Variants in ST8SIA4 observed in about 807,000 individuals in gnomAD.
The protein encoded by ST8SIA4 is ST8 alpha-N-acetyl-neuraminide alpha-2,8-sialyltransferase 4.
A neutral mutation model predicts 33.9 loss-of-function variants in ST8SIA4; 15 were observed. The observed-to-expected ratio is 0.44, with a 90% confidence interval of 0.30 to 0.68. The LOEUF is 0.68. ST8SIA4 is among the 30% of genes least tolerant of loss of function. The pLI, the probability that ST8SIA4 is intolerant of heterozygous loss-of-function variation, is 0.10. For missense variants in ST8SIA4, 321 were observed against 428.0 expected, an observed-to-expected ratio of 0.75 and a Z score of 2.21; for synonymous variants, 171 against 151.2, an observed-to-expected ratio of 1.13 and a Z score of -0.96.
chr5:100,885,700 G>C (rs1023573656), intron 3 of ST8SIA4: 3 of 942,872 alleles, frequency 3.2e-6, no homozygotes, highest in Non-Finnish European at 3.8e-6. Context: ...CATTTCTACT[G>C]TTGAGTTTTT....
intron 4 of ST8SIA4, among the ~76,000 whole-genome samples, chr5:100,842,759 G>A (rs1751494619): frequency 1.3e-5 from 2 of 151,648 alleles, no homozygotes; most frequent in Non-Finnish European, 3.0e-5. Context: ...TGCAAGTAAT[G>A]ATTTTACTTT....
chr5:100,846,580 G>C (rs1264885054), intron 4 of ST8SIA4, among the ~76,000 whole-genome samples: 2 of 151,956 alleles, frequency 1.3e-5, no homozygotes, highest in East Asian at 1.9e-4. Context: ...AAAGGAAAAA[G>C]AGTGAGAAAT....
chr5:100,849,494 A>C (rs748533293), intron 4 of ST8SIA4: 1 of 983,030 alleles, frequency 1.0e-6, no homozygotes, highest in Non-Finnish European at 1.2e-6. Context: ...TTTAAGAAAC[A>C]CTGCTGGCTG....
Position 100,811,126 on chromosome 5 carries a change from G to C in ST8SIA4, c.*721C>G, listed in dbSNP as rs1750807820. The C allele has an allele frequency of 6.7e-6, 1 of 148,980 alleles. No individual in the cohort carries two copies. The highest frequency in any genetic ancestry group is 1.5e-5 in the Non-Finnish European group (1 of 67,820). The allele number at this position is 148,980 out of a possible 1,614,324, so 9.2% of individuals were successfully genotyped here. The stretch of plus-strand genomic sequence containing the variant: ...TGGGAGGCGGAGCTTGCAGTGAGCT[G>C]AGATCGCGCCACTGTACTCCAGCCT... On this transcript the variant is annotated 3_prime_UTR_variant, in exon 5 of 5. Transcript: ENST00000231461.
intron 4 of ST8SIA4, among the ~76,000 whole-genome samples, chr5:100,852,409 A>G (rs1440894198): frequency 4.0e-5 from 6 of 151,410 alleles, no homozygotes; most frequent in African/African-American, 9.7e-5. Flanking sequence ...GGCATGAGCC[A>G]CTGCACTGGG....
chr5:100,833,248 TA>T (rs1411789468), intron 4 of ST8SIA4, among the ~76,000 whole-genome samples: 1 of 152,102 alleles, frequency 6.6e-6, no homozygotes, highest in Non-Finnish European at 1.5e-5. Flanking sequence ...AGGAAGACAA[TA>T]AATCTTTGTT....
At chr5:100,891,280 CA>C (rs3836756) in intron 2 of ST8SIA4, among the ~76,000 whole-genome samples, 40 of 149,824 alleles carry the variant, frequency 2.7e-4, no homozygotes, top group African/African-American at 7.1e-4. Context: ...ACACTGACTA[CA>C]AAAAAAAATC....
At position 100,843,291 on chromosome 5, in the gene ST8SIA4, T is replaced by C. The variant is rs1176495499; in HGVS notation, c.797+12812A>G. 2.6e-5 allele frequency among the ~76,000 whole-genome samples: 4 copies of C among 151,968 alleles called. No individual in the cohort carries two copies. In the East Asian group the frequency reaches 7.7e-4, roughly 29 times the overall value. ...AAAGCAATATAGACCATACTTTCAT[T>C]ATGAAAACAATTTGATGTTGACAAT... On this transcript the variant is annotated intron_variant, in intron 4 of 4. Transcript: ENST00000231461.
chr5:100,869,005 T>A (rs1340767023), intron 3 of ST8SIA4, among the ~76,000 whole-genome samples: 1 of 152,112 alleles, frequency 6.6e-6, no homozygotes, highest in Non-Finnish European at 1.5e-5. Flanking sequence ...TTTTGCCTCA[T>A]TATCAGTGCC....
At position 100,855,471 on chromosome 5, in the gene ST8SIA4, T is replaced by C. The variant is rs1215454042; in HGVS notation, c.797+632A>G. 3.9e-5 allele frequency among the ~76,000 whole-genome samples: 6 copies of C among 152,358 alleles called. No homozygotes were observed. In the East Asian group the frequency reaches 1.2e-3, roughly 29 times the overall value. ...AAAATACATAATTTCTCATCTGTGGTTTATCTACTTTACATACTTATATGT... is the reference window on the plus strand; with the variant it reads ...AAAATACATAATTTCTCATCTGTGGCTTATCTACTTTACATACTTATATGT... On this transcript the variant is annotated intron_variant, in intron 4 of 4. Coordinates refer to ENST00000231461, the MANE Select transcript of ST8SIA4 (RefSeq NM_005668.6).
At chr5:100,830,011 TAA>T (rs1291543298) in intron 4 of ST8SIA4, among the ~76,000 whole-genome samples, 1 of 152,092 alleles carries the variant, frequency 6.6e-6, no homozygotes, top group Non-Finnish European at 1.5e-5. Context: ...CATAAAGAGA[TAA>T]GTCTTTATTT....
chr5:100,811,784 AT>A lies in ST8SIA4; in HGVS notation c.*62del. The A allele has an allele frequency of 6.6e-7, 1 of 1,507,252 alleles. No homozygotes were observed. The highest frequency in any genetic ancestry group is 8.9e-7 in the Non-Finnish European group (1 of 1,123,488). 93.4% of individuals were successfully genotyped at this position (1,507,252 alleles called of 1,614,324 possible). A position where few individuals can be genotyped will look rare whatever the true frequency, so the allele number is the denominator to read the frequency against. On this transcript the variant is annotated 3_prime_UTR_variant, in exon 5 of 5. Coordinates refer to ENST00000231461, the MANE Select transcript of ST8SIA4 (RefSeq NM_005668.6). ...GAAACCCAGCCGTGTTTTGGATCCTATTTTCAAATCTTCGGAAGCATCTTCA... is the reference window on the plus strand; with the variant it reads ...GAAACCCAGCCGTGTTTTGGATCCTATTTCAAATCTTCGGAAGCATCTTCA...
intron 1 of ST8SIA4, among the ~76,000 whole-genome samples, chr5:100,902,142 A>G (rs557452963): frequency 6.6e-6 from 1 of 152,334 alleles, no homozygotes; most frequent in African/African-American, 2.4e-5. Context: ...GAAGTGTGAT[A>G]TTTAGAGAAC....
chr5:100,855,111 C>T (rs1275680832), intron 4 of ST8SIA4, among the ~76,000 whole-genome samples: 5 of 152,184 alleles, frequency 3.3e-5, no homozygotes, highest in East Asian at 1.9e-4. Flanking sequence ...TTATTCCATA[C>T]GTTTACTGTG....
chr5:100,879,987 T>C (rs761193045), intron 3 of ST8SIA4, among the ~76,000 whole-genome samples: 2 of 152,112 alleles, frequency 1.3e-5, no homozygotes, highest in African/African-American at 2.4e-5. Flanking sequence ...TACATTATTA[T>C]GGTAATATTG....
rs1020549402 is a variant in ST8SIA4, at chr5:100,895,897, C to T, written c.114-112G>A. The T allele has an allele frequency of 5.1e-6, 6 of 1,184,046 alleles. No individual in the cohort carries two copies. The Admixed American group carries it at 1.5e-4, about 31-fold the overall frequency. 73.3% of individuals were successfully genotyped at this position (1,184,046 alleles called of 1,614,324 possible). On this transcript the variant is annotated intron_variant, in intron 1 of 4. Transcript: ENST00000231461. ...TGATGAATTTTAGATACTTTTTCCC[C>T]TACAAGTTAGAAGGAAATACGCAAG...
chr5:100,898,546 G>A (rs558593227), intron 1 of ST8SIA4, among the ~76,000 whole-genome samples: 76 of 152,318 alleles, frequency 5.0e-4, no homozygotes, highest in Non-Finnish European at 9.6e-4. Context: ...TCACTGGAAA[G>A]AATTTTGAAT....
intron 4 of ST8SIA4, among the ~76,000 whole-genome samples, chr5:100,830,387 A>G (rs1404024989): frequency 2.0e-5 from 3 of 152,260 alleles, no homozygotes. Context: ...CAAATAAAGT[A>G]AAATTTGTAA....
chr5:100,871,669 G>T (rs1382412518), intron 3 of ST8SIA4, among the ~76,000 whole-genome samples: 1 of 152,026 alleles, frequency 6.6e-6, no homozygotes. Flanking sequence ...AGCCATGGCT[G>T]TTAGAAAATG....
Sources: allele counts gnomAD v4.1 joint callset (sites outside exome capture counted in the v4.1 genomes callset), GRCh38; gene constraint gnomAD v4.1.1; transcripts MANE v1.5; gene names NCBI Gene and HGNC (gene_info 2026-07-23, HGNC 2026-07-21).